Variants in DLG2 observed in about 807,000 individuals in gnomAD.
The protein encoded by DLG2 is disks large homolog 2.
DLG2 carries 45 observed loss-of-function variants against 132.5 expected under a neutral mutation model. The observed-to-expected ratio is 0.34, with a 90% CI of 0.27 to 0.44. DLG2 has a LOEUF of 0.44. Ranked by LOEUF, DLG2 falls within the 20% of genes least tolerant of loss-of-function variation. The probability of loss-of-function intolerance (pLI) is 1.00; values close to 1 mark genes in which losing one functional copy is unlikely to be tolerated. For missense variants in DLG2, 1,045 were observed against 1,196.9 expected, an observed-to-expected ratio of 0.87 and a Z score of 1.87; for synonymous variants, 424 against 419.6, an observed-to-expected ratio of 1.01 and a Z score of -0.13.
chr11:84,013,000 C>G (rs1228272356), intron 11 of DLG2, among the ~76,000 whole-genome samples: 2 of 152,120 alleles, frequency 1.3e-5, no homozygotes, highest in Admixed American at 1.3e-4. Flanking sequence ...AGAGAATAAG[C>G]TGGGTTGTCT....
intron 6 of DLG2, among the ~76,000 whole-genome samples, chr11:84,584,051 A>C (rs2099523019): frequency 6.6e-6 from 1 of 152,138 alleles, no homozygotes; most frequent in Non-Finnish European, 1.5e-5. Flanking sequence ...TAATTTCTCT[A>C]TGGTATATAT....
rs190699719 is a variant in DLG2 at position 85,555,305 on chromosome 11, T to G, written c.40+43352A>C. ...TGCACACATGGTTTCACAAAAACTTTTACTGCACCTTCAGACAACTGAGAT... is the reference window on the plus strand; with the variant it reads ...TGCACACATGGTTTCACAAAAACTTGTACTGCACCTTCAGACAACTGAGAT... On this transcript the variant is annotated intron_variant, in intron 3 of 27. Coordinates refer to ENST00000376104, the MANE Select transcript of DLG2 (RefSeq NM_001142699.3). Among the ~76,000 whole-genome samples, 826 of 152,080 alleles carry G rather than the reference T, an allele frequency of 5.4e-3. 10 individuals are homozygous for G. The highest frequency in any genetic ancestry group is 0.019 in the African/African-American group (778 of 41,556).
chr11:83,993,559 T>C (rs557199707), intron 11 of DLG2, among the ~76,000 whole-genome samples: 5 of 152,150 alleles, frequency 3.3e-5, no homozygotes, highest in Non-Finnish European at 5.9e-5. Flanking sequence ...AAAGATCAAA[T>C]AGTCAAACCA....
At chr11:83,678,483 T>A (rs1021824552) in intron 18 of DLG2, among the ~76,000 whole-genome samples, 2 of 152,136 alleles carry the variant, frequency 1.3e-5, no homozygotes, top group African/African-American at 4.8e-5. Flanking sequence ...ACATCTCAGC[T>A]CATGAGTGCA....
chr11:84,118,738 C>T (rs941693812), intron 9 of DLG2, among the ~76,000 whole-genome samples: 3 of 152,210 alleles, frequency 2.0e-5, no homozygotes, highest in South Asian at 4.1e-4. Context: ...TTCTAATTTG[C>T]GGTAGAAATA....
chr11:84,126,792 TC>T (rs1170611481), intron 9 of DLG2, among the ~76,000 whole-genome samples: 2 of 152,206 alleles, frequency 1.3e-5, no homozygotes, highest in East Asian at 1.9e-4. Context: ...ACTGATCTGC[TC>T]AGTTATTTTA....
intron 6 of DLG2, among the ~76,000 whole-genome samples, chr11:84,840,188 C>T (rs1274857059): frequency 6.6e-6 from 1 of 152,064 alleles, no homozygotes; most frequent in South Asian, 2.1e-4. Context: ...AGGATATGAA[C>T]AGGTGCTTCT....
Position 85,366,574 on chromosome 11 carries a change from G to A in DLG2, c.41-81209C>T, listed in dbSNP as rs139936448. Among the ~76,000 whole-genome samples, 43 of 152,030 alleles carry A rather than the reference G, an allele frequency of 2.8e-4. 1 individual carries two copies. The highest frequency in any genetic ancestry group is 8.7e-4 in the African/African-American group (36 of 41,490). ...ATTTAAAAACCAATATTTTTTGTTA[G>A]ACATTCAGGTTATATTTAATATTTA... is the stretch of plus-strand genomic sequence containing the variant. On this transcript the variant is annotated intron_variant, in intron 3 of 27. Coordinates refer to ENST00000376104, the MANE Select transcript of DLG2 (RefSeq NM_001142699.3).
At chr11:84,946,368 G>C (rs954292090) in intron 6 of DLG2, among the ~76,000 whole-genome samples, 4 of 152,098 alleles carry the variant, frequency 2.6e-5, no homozygotes, top group African/African-American at 9.7e-5. Context: ...CAAGGCCCAT[G>C]ACACATCTGG....
chr11:85,277,485 A>G (rs1021762860), intron 4 of DLG2, among the ~76,000 whole-genome samples: 63 of 152,268 alleles, frequency 4.1e-4, no homozygotes, highest in African/African-American at 1.5e-3. Context: ...TATTAGGTAG[A>G]AAACCAAAGT....
chr11:83,526,455 GTA>G (rs1436904215), intron 21 of DLG2, among the ~76,000 whole-genome samples: 1 of 152,108 alleles, frequency 6.6e-6, no homozygotes, highest in African/African-American at 2.4e-5. Flanking sequence ...TGAGTAGCTA[GTA>G]TGTTTAAGGT....
At chr11:85,156,339 G>GTT (rs939729010) in intron 4 of DLG2, among the ~76,000 whole-genome samples, 34 of 152,200 alleles carry the variant, frequency 2.2e-4, no homozygotes, top group African/African-American at 8.2e-4. Flanking sequence ...ATATCTTACT[G>GTT]TTTTTCAGTC....
chr11:85,232,964 T>C lies in DLG2; in HGVS notation c.186+52256A>G, dbSNP rs538204407. 1.1e-4 allele frequency among the ~76,000 whole-genome samples: 17 copies of C among 152,074 alleles called. No homozygotes were observed. In the East Asian group the frequency reaches 2.9e-3, roughly 26 times the overall value. ...AAGAAAGGTAAAACAGAAACTCCAG[T>C]TTGAAGATCTTGCTTCTGTATGGCC... On this transcript the variant is annotated intron_variant, in intron 4 of 27. Transcript: ENST00000376104.
chr11:84,551,493 G>A (rs572349928), intron 6 of DLG2, among the ~76,000 whole-genome samples: 20 of 152,128 alleles, frequency 1.3e-4, no homozygotes, highest in Non-Finnish European at 2.6e-4. Flanking sequence ...GTGACATGAC[G>A]TGCATATGTA....
At position 83,508,697 on chromosome 11, in the gene DLG2, A is replaced by G. The variant is rs77986208; in HGVS notation, c.2193+24011T>C. On this transcript the variant is annotated intron_variant, in intron 21 of 27. Transcript: ENST00000376104. ...TACACATACAGGCAAACACACACACACAAACACAACACAAATACCTTTTTC... is the reference window on the plus strand; with the variant it reads ...TACACATACAGGCAAACACACACACGCAAACACAACACAAATACCTTTTTC... Among the ~76,000 whole-genome samples the G allele has an allele frequency of 6.9e-3, 1,046 of 152,230 alleles. 16 individuals carry two copies. The highest frequency in any genetic ancestry group is 0.024 in the African/African-American group (1,013 of 41,532).
At chr11:84,886,807 G>T (rs530353630) in intron 6 of DLG2, among the ~76,000 whole-genome samples, 23 of 152,028 alleles carry the variant, frequency 1.5e-4, no homozygotes, top group Admixed American at 2.0e-4. Flanking sequence ...TGTCAAACAC[G>T]GTCAAATTTT....
intron 7 of DLG2, among the ~76,000 whole-genome samples, chr11:84,457,383 G>A (rs1326265930): frequency 6.6e-6 from 1 of 150,776 alleles, no homozygotes; most frequent in Admixed American, 6.6e-5. Flanking sequence ...CTCGATAAAT[G>A]GAATAAAATG....
chr11:84,312,756 G>T (rs1157695714), intron 7 of DLG2, among the ~76,000 whole-genome samples: 1 of 152,098 alleles, frequency 6.6e-6, no homozygotes, highest in African/African-American at 2.4e-5. Flanking sequence ...CTCCACAGTA[G>T]TAGGAGAGAT....
chr11:84,167,616 G>A (rs958173803), intron 8 of DLG2, among the ~76,000 whole-genome samples: 9 of 151,862 alleles, frequency 5.9e-5, no homozygotes, highest in African/African-American at 2.2e-4. Flanking sequence ...CTTGTTCTTT[G>A]CCACCTTTGT....
Sources: allele counts gnomAD v4.1 joint callset (sites outside exome capture counted in the v4.1 genomes callset), GRCh38; gene constraint gnomAD v4.1.1; transcripts MANE v1.5; gene names NCBI Gene and HGNC (gene_info 2026-07-23, HGNC 2026-07-21).